COL28A1: variants seen among roughly 807,000 people sequenced by gnomAD.
The protein encoded by COL28A1 is collagen type XXVIII alpha 1 chain, also known as collagen alpha-1(XXVIII) chain.
Under a neutral mutation model 150.2 loss-of-function variants are expected in COL28A1, and 161 were observed. The ratio of observed to expected loss-of-function variants is 1.07; its 90% CI spans 0.94 to 1.22. COL28A1 has a LOEUF of 1.22. COL28A1 is among the 50% of genes most tolerant of loss of function. The pLI, the probability that COL28A1 is intolerant of heterozygous loss-of-function variation, is 0.00. For missense variants in COL28A1, 1,617 were observed against 1,388.3 expected, an observed-to-expected ratio of 1.16 and a Z score of -2.62; for synonymous variants, 552 against 469.7, an observed-to-expected ratio of 1.18 and a Z score of -2.26.
intron 27 of COL28A1, among the ~76,000 whole-genome samples, chr7:7,402,641 C>T (rs1305814977): frequency 6.6e-6 from 1 of 152,172 alleles, no homozygotes; most frequent in Non-Finnish European, 1.5e-5. Context: ...ACAAGACCAA[C>T]TTATCTTTTA....
At chr7:7,380,522 G>C in intron 30 of COL28A1, 138 bp downstream of exon 30, 2 of 710,040 alleles carry the variant, frequency 2.8e-6, no homozygotes, top group Non-Finnish European at 4.8e-6. Flanking sequence ...AGCCAACACT[G>C]GGCTGGTAGT....
chr7:7,470,958 T>C (rs1583449063), intron 15 of COL28A1, among the ~76,000 whole-genome samples: 1 of 76,004 alleles, frequency 1.3e-5, no homozygotes, highest in Non-Finnish European at 2.4e-5. Context: ...CTGGGGACTG[T>C]GGTGGGGTCG....
chr7:7,401,001 T>TGG (rs1783163439), intron 27 of COL28A1, among the ~76,000 whole-genome samples: 2 of 150,666 alleles, frequency 1.3e-5, no homozygotes, highest in Non-Finnish European at 3.0e-5. Context: ...TGTGTGTGTG[T>TGG]GTGTGTGTGT....
At chr7:7,353,766 A>C (rs58712879), downstream of COL28A1, among the ~76,000 whole-genome samples, 1,316 of 152,300 alleles carry the variant, frequency 8.6e-3, 16 homozygotes, top group African/African-American at 0.031. Flanking sequence ...CTATGTGGGC[A>C]AAATTGTGAA....
chr7:7,400,975 GGTGTGTGTGTGTGTGTGT>G (rs60064708), intron 27 of COL28A1, among the ~76,000 whole-genome samples: 71 of 119,128 alleles, frequency 6.0e-4, no homozygotes, highest in South Asian at 3.4e-3. Flanking sequence ...TGGGTATTTG[GGTGTGTGTGTGTGTGTGT>G]GTGTGTGTGT....
chr7:7,402,685 T>A (rs1301936159), intron 27 of COL28A1, among the ~76,000 whole-genome samples: 1 of 152,104 alleles, frequency 6.6e-6, no homozygotes, highest in East Asian at 1.9e-4. Context: ...AATCCATAGG[T>A]CCTTATTTTC....
chr7:7,381,628 G>C lies in COL28A1; in HGVS notation c.2137-16C>G. The C allele has an allele frequency of 8.8e-6, 14 of 1,599,036 alleles. No individual in the cohort carries two copies. The highest frequency in any genetic ancestry group is 1.1e-5 in the Non-Finnish European group (13 of 1,166,348). On this transcript the variant is annotated splice_polypyrimidine_tract_variant and intron_variant, in intron 27 of 34. Coordinates refer to ENST00000399429, the MANE Select transcript of COL28A1 (RefSeq NM_001037763.3). ...CTTGTTCCCCCTACATAGGATATGA[G>C]AAAGAGATGTTCTATTAATTTCCCA... is the stretch of plus-strand genomic sequence containing the variant.
intron 17 of COL28A1, among the ~76,000 whole-genome samples, chr7:7,452,924 T>C (rs1031784867): frequency 6.6e-6 from 1 of 152,224 alleles, no homozygotes; most frequent in Non-Finnish European, 1.5e-5. Context: ...TCATGATTCT[T>C]AGAAGCAATA....
At chr7:7,502,662 C>T (rs1490462498) in intron 11 of COL28A1, among the ~76,000 whole-genome samples, 7 of 150,638 alleles carry the variant, frequency 4.6e-5, no homozygotes, top group African/African-American at 7.3e-5. Context: ...TTAGCATTAC[C>T]GTTTTCTTTC....
intron 31 of COL28A1, among the ~76,000 whole-genome samples, chr7:7,374,060 T>TATATATATATAC (rs1182312543): frequency 7.0e-5 from 10 of 142,956 alleles, no homozygotes; most frequent in African/African-American, 2.4e-4. Flanking sequence ...TATATATATA[T>TATATATATATAC]ACTTGGAAAA....
intron 34 of COL28A1, among the ~76,000 whole-genome samples, chr7:7,359,873 C>G (rs1389937741): frequency 6.6e-6 from 1 of 152,152 alleles, no homozygotes; most frequent in Non-Finnish European, 1.5e-5. Flanking sequence ...TAAAGATAAT[C>G]TAAACTTTTG....
chr7:7,520,278 G>A (rs1781647044), intron 5 of COL28A1, among the ~76,000 whole-genome samples, 163 bp from the exon 6 acceptor site: 1 of 152,084 alleles, frequency 6.6e-6, no homozygotes, highest in Non-Finnish European at 1.5e-5. Flanking sequence ...TCTACACCAG[G>A]AAAACCACTG....
rs147048509 is a variant in COL28A1 at position 7,456,265 on chromosome 7, A to T, written c.1303-153T>A. ...TTATAAAACTTTATTTTATTCCTTT[A>T]AAAGTTTATAATTCAAATTCCCCAA... On this transcript the variant is annotated intron_variant, in intron 15 of 34. Transcript: ENST00000399429. Among the ~76,000 whole-genome samples the T allele has an allele frequency of 4.7e-3, 709 of 152,358 alleles. 5 individuals carry two copies. Among genetic ancestry groups the T allele is most frequent in the East Asian group, 0.022 (115 of 5,188 alleles).
intron 25 of COL28A1, among the ~76,000 whole-genome samples, chr7:7,429,473 T>C (rs4720734): frequency 9.3e-6 from 1 of 106,968 alleles, no homozygotes; most frequent in Non-Finnish European, 2.1e-5. Flanking sequence ...TGTGTGTGTG[T>C]GGGGGGGGGG....
intron 27 of COL28A1, among the ~76,000 whole-genome samples, chr7:7,390,309 T>C (rs980056564): frequency 2.0e-5 from 3 of 152,240 alleles, no homozygotes; most frequent in Non-Finnish European, 2.9e-5. Context: ...GATTTGCGTA[T>C]GTTGAACCAG....
intron 13 of COL28A1, among the ~76,000 whole-genome samples, chr7:7,477,767 T>A (rs564237759): frequency 6.6e-6 from 1 of 152,074 alleles, no homozygotes; most frequent in Non-Finnish European, 1.5e-5. Flanking sequence ...GCTTCCACGG[T>A]ATGGAAACGG....
intron 9 of COL28A1, among the ~76,000 whole-genome samples, chr7:7,507,671 G>A (rs981766094): frequency 6.6e-6 from 1 of 151,760 alleles, no homozygotes; most frequent in Admixed American, 6.6e-5. Context: ...TTTATTTTGT[G>A]AGGGAGAACA....
intron 19 of COL28A1, 122 bp from the exon 20 acceptor site, chr7:7,443,775 C>G: frequency 7.4e-7 from 1 of 1,349,334 alleles, no homozygotes; most frequent in Admixed American, 3.1e-5. Context: ...CACACCATAC[C>G]TTCACTCTAG....
intron 27 of COL28A1, among the ~76,000 whole-genome samples, chr7:7,394,277 A>G (rs1250256184): frequency 6.6e-6 from 1 of 152,098 alleles, no homozygotes; most frequent in African/African-American, 2.4e-5. Context: ...CTGTCTAACC[A>G]GTCCCAGTGA....
Sources: allele counts gnomAD v4.1 joint callset (sites outside exome capture counted in the v4.1 genomes callset), GRCh38; gene constraint gnomAD v4.1.1; transcripts MANE v1.5; gene names NCBI Gene and HGNC (gene_info 2026-07-23, HGNC 2026-07-21).